Variants in SORCS3 observed in about 807,000 individuals in gnomAD.
The protein encoded by SORCS3 is VPS10 domain-containing receptor SorCS3.
A neutral mutation model predicts 146.3 loss-of-function variants in SORCS3; 57 were observed. The ratio of observed to expected loss-of-function variants is 0.39; its 90% CI spans 0.31 to 0.49. The LOEUF is 0.49. Among genes scored for constraint, SORCS3 ranks in the 20% least tolerant of loss-of-function variants. The pLI is 0.92. For missense variants in SORCS3, 1,341 were observed against 1,575.5 expected, an observed-to-expected ratio of 0.85 and a Z score of 2.52; for synonymous variants, 653 against 618.5, an observed-to-expected ratio of 1.06 and a Z score of -0.83.
At chr10:105,010,590 G>A (rs939369166) in intron 4 of SORCS3, among the ~76,000 whole-genome samples, 2 of 152,182 alleles carry the variant, frequency 1.3e-5, no homozygotes, top group African/African-American at 4.8e-5. Context: ...AGCTACTCTT[G>A]CATTCAATAA....
At chr10:104,651,532 C>A (rs376683253) in intron 1 of SORCS3, among the ~76,000 whole-genome samples, 15 of 30,426 alleles carry the variant, frequency 4.9e-4, no homozygotes, top group South Asian at 2.2e-3. Flanking sequence ...CCGGGCTCTA[C>A]TAAAAAAAAA....
intron 1 of SORCS3, among the ~76,000 whole-genome samples, chr10:104,799,532 CA>C (rs1342198698): frequency 1.3e-5 from 2 of 151,496 alleles, no homozygotes; most frequent in Admixed American, 6.6e-5. Context: ...CATCACACAC[CA>C]GGGCCTGTTG....
At chr10:104,887,456 T>G (rs1033140998) in intron 2 of SORCS3, among the ~76,000 whole-genome samples, 3 of 152,154 alleles carry the variant, frequency 2.0e-5, no homozygotes, top group African/African-American at 7.2e-5. Flanking sequence ...ATATAGTTAC[T>G]GATATGGAGG....
At chr10:104,793,636 A>G (rs921373776) in intron 1 of SORCS3, among the ~76,000 whole-genome samples, 4 of 152,170 alleles carry the variant, frequency 2.6e-5, no homozygotes, top group Non-Finnish European at 5.9e-5. Flanking sequence ...GGCTTTTAGT[A>G]TTTTTCTCTA....
At chr10:104,816,889 T>C (rs1195277716) in intron 1 of SORCS3, among the ~76,000 whole-genome samples, 2 of 152,148 alleles carry the variant, frequency 1.3e-5, no homozygotes, top group Non-Finnish European at 2.9e-5. Context: ...TCCATCCTTC[T>C]CTCCTCTCTC....
intron 20 of SORCS3, among the ~76,000 whole-genome samples, chr10:105,227,034 T>G (rs959967348): frequency 6.6e-6 from 1 of 152,038 alleles, no homozygotes; most frequent in Admixed American, 6.6e-5. Context: ...TTGTATTATT[T>G]TTTTAGTCTC....
chr10:104,969,767 G>A (rs953132759), intron 3 of SORCS3, among the ~76,000 whole-genome samples: 5 of 152,218 alleles, frequency 3.3e-5, no homozygotes, highest in Middle Eastern at 3.4e-3. Flanking sequence ...CAGCATCTCT[G>A]TATATGTTAG....
chr10:104,664,352 T>C (rs1448060248), intron 1 of SORCS3, among the ~76,000 whole-genome samples: 1 of 152,216 alleles, frequency 6.6e-6, no homozygotes, highest in South Asian at 2.1e-4. Context: ...GAATCATCCT[T>C]GACGTGTAAC....
intron 2 of SORCS3, among the ~76,000 whole-genome samples, chr10:104,886,719 T>G (rs1589536410): frequency 1.3e-5 from 2 of 152,198 alleles, no homozygotes; most frequent in East Asian, 3.8e-4. Context: ...TTGCCATCTT[T>G]TTATGTTTAA....
rs559276072 is a variant in SORCS3 at position 105,108,693 on chromosome 10, T to C, written c.1212+3178T>C. Among the ~76,000 whole-genome samples the C allele has an allele frequency of 1.5e-4, 23 of 152,230 alleles. 1 individual carries two copies. Among genetic ancestry groups the C allele is most frequent in the Non-Finnish European group, 2.6e-4 (18 of 68,016 alleles). On this transcript the variant is annotated intron_variant, in intron 7 of 26. Coordinates refer to ENST00000369701, the MANE Select transcript of SORCS3 (RefSeq NM_014978.3). Reference sequence around the variant, plus strand: ...TGGATTAACAATGCCCCAAATAATGTGAAAGGCCAATAAACTTGAGAAAAA... The same window carrying C: ...TGGATTAACAATGCCCCAAATAATGCGAAAGGCCAATAAACTTGAGAAAAA...
chr10:105,255,758 G>A lies in SORCS3; in HGVS notation c.3294G>A (p.Lys1098=). The change falls in exon 24 of 27, where the codon AAG becomes AAA. Residue 1098 remains lysine, a synonymous_variant. Transcript: ENST00000369701. ...LNQNLVQFEL[K]PGVQVIVYVT... ...AAAATTTGGTCCAGTTTGAGCTGAAGCCGGGGGTACAAGTCATTGTGTATG... is the reference window on the plus strand; with the variant it reads ...AAAATTTGGTCCAGTTTGAGCTGAAACCGGGGGTACAAGTCATTGTGTATG... 6.2e-7 allele frequency: 1 copy of A among 1,613,974 alleles called. No individual in the cohort carries two copies. Among genetic ancestry groups the A allele is most frequent in the Middle Eastern group, 1.6e-4 (1 of 6,062 alleles).
intron 7 of SORCS3, among the ~76,000 whole-genome samples, chr10:105,127,297 C>T (rs1440822073): frequency 6.6e-6 from 1 of 152,086 alleles, no homozygotes; most frequent in Non-Finnish European, 1.5e-5. Flanking sequence ...TGTAAAATTA[C>T]TACCCATTTG....
intron 5 of SORCS3, among the ~76,000 whole-genome samples, chr10:105,063,115 A>G (rs2055498941): frequency 1.3e-5 from 2 of 152,246 alleles, no homozygotes; most frequent in African/African-American, 4.8e-5. Context: ...GCTAGCTTTA[A>G]GAAAACAATT....
chr10:105,241,086 G>A (rs1220926958), intron 20 of SORCS3, among the ~76,000 whole-genome samples: 5 of 151,026 alleles, frequency 3.3e-5, no homozygotes, highest in Non-Finnish European at 5.9e-5. Flanking sequence ...TTATTTTTTT[G>A]TTTGTATACT....
At chr10:104,663,282 C>A (rs1225878994) in intron 1 of SORCS3, among the ~76,000 whole-genome samples, 1 of 152,170 alleles carries the variant, frequency 6.6e-6, no homozygotes, top group Non-Finnish European at 1.5e-5. Context: ...CTGTCTATCG[C>A]CTTTCATGGG....
chr10:104,998,723 C>A lies in SORCS3; in HGVS notation c.954+21230C>A, dbSNP rs533146345. The stretch of plus-strand genomic sequence containing the variant: ...GGCCAGAGGTCTCAGGCAGAGGAGG[C>A]CAGCTGGGTAATAGTTGGCTAATGG... On this transcript the variant is annotated intron_variant, in intron 4 of 26. Transcript: ENST00000369701. Among the ~76,000 whole-genome samples, 262 of 152,174 alleles carry A rather than the reference C, an allele frequency of 1.7e-3. 1 individual carries two copies. The Middle Eastern group carries it at 0.02, about 12-fold the overall frequency.
At chr10:105,200,284 G>T (rs1378898942) in intron 15 of SORCS3, among the ~76,000 whole-genome samples, 168 bp downstream of exon 15, 1 of 152,116 alleles carries the variant, frequency 6.6e-6, no homozygotes, top group African/African-American at 2.4e-5. Context: ...GTCCAGTAGG[G>T]CCAGATGATA....
At chr10:105,048,348 G>A (rs1037409005) in intron 5 of SORCS3, among the ~76,000 whole-genome samples, 2 of 149,926 alleles carry the variant, frequency 1.3e-5, no homozygotes, top group African/African-American at 4.9e-5. Context: ...GGAATACTAT[G>A]CAGCCATAAA....
intron 1 of SORCS3, among the ~76,000 whole-genome samples, chr10:104,779,765 G>A (rs183995556): frequency 2.6e-5 from 4 of 152,124 alleles, no homozygotes; most frequent in Admixed American, 6.5e-5. Flanking sequence ...TGTACCTCCC[G>A]GTGACTATGA....
Sources: gnomAD v4.1 joint callset for allele counts (sites outside exome capture counted in the v4.1 genomes callset) on GRCh38, gnomAD v4.1.1 for gene constraint, MANE v1.5 for transcripts, NCBI Gene and HGNC (gene_info 2026-07-23, HGNC 2026-07-21) for gene names.